The following CACNA2D3 variants were observed in gnomAD, a reference collection of about 807,000 sequenced individuals.
CACNA2D3 encodes voltage-dependent calcium channel subunit alpha-2/delta-3.
A neutral mutation model predicts 160.6 loss-of-function variants in CACNA2D3; 60 were observed. That is an observed-to-expected ratio of 0.37 (90% confidence interval 0.30 to 0.46). CACNA2D3 has a LOEUF of 0.46. Ranked by LOEUF, CACNA2D3 falls within the 20% of genes least tolerant of loss-of-function variation. The pLI, the probability that CACNA2D3 is intolerant of heterozygous loss-of-function variation, is 1.00. For synonymous variants in CACNA2D3, 558 were observed against 492.9 expected (o/e 1.13, Z -1.75); for missense variants, 1,205 against 1,365.0 (o/e 0.88, Z 1.85).
chr3:54,673,959 G>A (rs1260214543), intron 11 of CACNA2D3, among the ~76,000 whole-genome samples: 4 of 152,144 alleles, frequency 2.6e-5, no homozygotes, highest in East Asian at 1.9e-4. Context: ...TTAAACCGCC[G>A]GCAGCTGTGT....
chr3:54,681,573 GA>G (rs892184775), intron 11 of CACNA2D3, among the ~76,000 whole-genome samples: 1 of 147,188 alleles, frequency 6.8e-6, no homozygotes, highest in African/African-American at 2.5e-5. Flanking sequence ...AAAAAAAAAA[GA>G]ATAGTGAAAA....
chr3:54,693,708 G>A (rs773151563), intron 11 of CACNA2D3, among the ~76,000 whole-genome samples: 13 of 152,072 alleles, frequency 8.5e-5, no homozygotes, highest in Non-Finnish European at 1.6e-4. Flanking sequence ...GTAGAAGATG[G>A]GGATATTGAT....
intron 18 of CACNA2D3, among the ~76,000 whole-genome samples, chr3:54,872,303 C>T (rs997214448): frequency 1.1e-4 from 16 of 152,290 alleles, no homozygotes; most frequent in African/African-American, 2.6e-4. Context: ...TTCTTAGACA[C>T]GGCTGCCTTT....
In CACNA2D3 at chr3:54,405,045, G is replaced by T. The variant is rs114596301; in HGVS notation, c.381+18271G>T. On this transcript the variant is annotated intron_variant, in intron 4 of 37. Coordinates refer to ENST00000474759, the MANE Select transcript of CACNA2D3 (RefSeq NM_018398.3). ...AAATAGAAAGATATTTCATGCTCAT[G>T]AATTGGAAGAATTAATATTGTTAAA... Among the ~76,000 whole-genome samples, 1,382 of 151,862 alleles carry T rather than the reference G, an allele frequency of 9.1e-3. 14 individuals are homozygous for T. The highest frequency in any genetic ancestry group is 0.029 in the African/African-American group (1,189 of 41,498).
At chr3:54,849,557 A>T (rs975570990) in intron 17 of CACNA2D3, among the ~76,000 whole-genome samples, 1 of 152,196 alleles carries the variant, frequency 6.6e-6, no homozygotes, top group Non-Finnish European at 1.5e-5. Flanking sequence ...CCATAAATCC[A>T]TCCTGGCCAG....
At chr3:54,370,641 A>G (rs933449753) in intron 3 of CACNA2D3, among the ~76,000 whole-genome samples, 3 of 152,312 alleles carry the variant, frequency 2.0e-5, no homozygotes, top group African/African-American at 7.2e-5. Flanking sequence ...TGTACCCATT[A>G]AAGAACACCA....
At chr3:54,367,639 G>A (rs1868507) in intron 3 of CACNA2D3, 68,881 of 311,730 alleles carry the variant, frequency 0.22, 7,962 homozygotes, top group Middle Eastern at 0.35. Context: ...CTGGCCACAA[G>A]CTCTGCCCAT....
intron 27 of CACNA2D3, among the ~76,000 whole-genome samples, chr3:54,961,194 A>G (rs1472796469): frequency 6.6e-6 from 1 of 152,240 alleles, no homozygotes; most frequent in Non-Finnish European, 1.5e-5. Flanking sequence ...AATCTTTGCC[A>G]TGGTGCACAA....
At chr3:54,951,006 A>G (rs1450333699) in intron 27 of CACNA2D3, among the ~76,000 whole-genome samples, 1 of 152,206 alleles carries the variant, frequency 6.6e-6, no homozygotes, top group Non-Finnish European at 1.5e-5. Context: ...TTAAATAATC[A>G]TTTGTAATAT....
intron 2 of CACNA2D3, among the ~76,000 whole-genome samples, chr3:54,257,712 A>G (rs1295869823): frequency 6.6e-6 from 1 of 152,210 alleles, no homozygotes; most frequent in African/African-American, 2.4e-5. Flanking sequence ...TTCAATGAGT[A>G]TAAAAAAATA....
chr3:54,763,883 ATATATATGTATG>A (rs1213396301), intron 12 of CACNA2D3, among the ~76,000 whole-genome samples: 1 of 16,358 alleles, frequency 6.1e-5, no homozygotes, highest in African/African-American at 2.4e-4. Context: ...ATATATATGT[ATATATATGTATG>A]TGGGGGGGGG....
intron 2 of CACNA2D3, among the ~76,000 whole-genome samples, chr3:54,170,192 A>G (rs1397212841): frequency 6.7e-6 from 1 of 150,170 alleles, no homozygotes; most frequent in Non-Finnish European, 1.5e-5. Flanking sequence ...TCCATCTCAA[A>G]AAAAAAAAAA....
chr3:54,286,179 GA>G (rs1703020176), intron 2 of CACNA2D3, among the ~76,000 whole-genome samples: 1 of 151,794 alleles, frequency 6.6e-6, no homozygotes, highest in Admixed American at 6.6e-5. Context: ...TAAAAACTTT[GA>G]AAAAAAATTA....
intron 4 of CACNA2D3, among the ~76,000 whole-genome samples, chr3:54,476,717 G>A (rs748606331): frequency 9.9e-5 from 15 of 152,076 alleles, no homozygotes; most frequent in South Asian, 2.1e-4. Flanking sequence ...TTGTTCAAAC[G>A]TCTGTTCAGG....
intron 4 of CACNA2D3, among the ~76,000 whole-genome samples, chr3:54,456,526 T>G (rs1361448854): frequency 2.0e-5 from 3 of 151,990 alleles, no homozygotes; most frequent in African/African-American, 7.2e-5. Context: ...TGAGAATTTT[T>G]GCCTCTGTAT....
intron 27 of CACNA2D3, among the ~76,000 whole-genome samples, chr3:54,912,341 G>A (rs1348198499): frequency 6.6e-6 from 1 of 152,180 alleles, no homozygotes; most frequent in Non-Finnish European, 1.5e-5. Context: ...ATGAGTTCCA[G>A]GAGGCAAGAA....
chr3:54,453,056 A>T (rs1217178576), intron 4 of CACNA2D3, among the ~76,000 whole-genome samples: 1 of 151,350 alleles, frequency 6.6e-6, no homozygotes, highest in Non-Finnish European at 1.5e-5. Context: ...CAGTGGCATG[A>T]TCACAGCTGT....
At position 54,234,519 on chromosome 3, in the gene CACNA2D3, G is replaced by A. The variant is rs542084550; in HGVS notation, c.205-85923G>A. On this transcript the variant is annotated intron_variant, in intron 2 of 37. Coordinates refer to ENST00000474759, the MANE Select transcript of CACNA2D3 (RefSeq NM_018398.3). ...ATCCCATTTACTGAGTATATATCCA[G>A]AGGAATATAAATTATTCTACCATAA... Among the ~76,000 whole-genome samples the A allele has an allele frequency of 1.1e-4, 16 of 152,236 alleles. No individual in the cohort carries two copies. In the South Asian group the frequency reaches 3.3e-3, roughly 32 times the overall value.
chr3:54,678,151 T>C (rs1255369461), intron 11 of CACNA2D3, among the ~76,000 whole-genome samples: 1 of 152,190 alleles, frequency 6.6e-6, no homozygotes, highest in Non-Finnish European at 1.5e-5. Context: ...AGGGAATATC[T>C]AGGCAGTAGG....
Sources: allele counts gnomAD v4.1 joint callset (sites outside exome capture counted in the v4.1 genomes callset), GRCh38; gene constraint gnomAD v4.1.1; transcripts MANE v1.5; gene names NCBI Gene and HGNC (gene_info 2026-07-23, HGNC 2026-07-21).